RABGAP1L: variants seen among roughly 807,000 people sequenced by gnomAD.
The protein encoded by RABGAP1L is rab GTPase-activating protein 1-like.
A neutral mutation model predicts 137.7 loss-of-function variants in RABGAP1L; 63 were observed. That is an observed-to-expected ratio of 0.46 (90% confidence interval 0.37 to 0.56). The LOEUF (loss-of-function observed/expected upper bound fraction) is 0.56, where lower values mean the gene tolerates loss of function less well. RABGAP1L is among the 20% of genes least tolerant of loss of function. RABGAP1L has a pLI of 0.00. For synonymous variants in RABGAP1L, 431 were observed against 433.7 expected, an observed-to-expected ratio of 0.99 and a Z score of 0.08; for missense variants, 1,095 against 1,244.0, an observed-to-expected ratio of 0.88 and a Z score of 1.80.
At chr1:174,859,482 C>CAAAAAAAA (rs35464065) in intron 19 of RABGAP1L, among the ~76,000 whole-genome samples, 5 of 133,730 alleles carry the variant, frequency 3.7e-5, no homozygotes, top group South Asian at 2.6e-4. Flanking sequence ...GACTCCATCT[C>CAAAAAAAA]AAAAAAAAAG....
In RABGAP1L at chr1:174,406,757, A is replaced by G. The variant is rs146772010; in HGVS notation, c.1710+12612A>G. ...AGACGCTGTCTCTACAAAAAATACA[A>G]AAATTAGCTGGGTGTGGTGCCACAT... is the stretch of plus-strand genomic sequence containing the variant. On this transcript the variant is annotated intron_variant, in intron 13 of 25. Transcript: ENST00000681986. Among the ~76,000 whole-genome samples the G allele has an allele frequency of 3.8e-3, 581 of 152,300 alleles. 4 individuals are homozygous for G. Among genetic ancestry groups the G allele is most frequent in the African/African-American group, 0.012 (501 of 41,564 alleles).
intron 17 of RABGAP1L, among the ~76,000 whole-genome samples, chr1:174,744,985 GA>G (rs1354625912): frequency 8.5e-5 from 13 of 152,126 alleles, no homozygotes; most frequent in Admixed American, 3.3e-4. Context: ...ATTTCCAAGT[GA>G]AAAAAAGTAA....
chr1:174,783,907 A>G (rs1287858688), intron 18 of RABGAP1L, among the ~76,000 whole-genome samples: 1 of 145,494 alleles, frequency 6.9e-6, no homozygotes, highest in Non-Finnish European at 1.5e-5. Flanking sequence ...AAGGGGTTTC[A>G]CCATATTGGC....
intron 19 of RABGAP1L, among the ~76,000 whole-genome samples, chr1:174,842,494 T>G (rs191093872): frequency 6.6e-6 from 1 of 152,326 alleles, no homozygotes; most frequent in Non-Finnish European, 1.5e-5. Context: ...TAATTCATAT[T>G]TGCTTGGCCC....
chr1:174,327,777 T>C (rs1680565176), intron 11 of RABGAP1L, among the ~76,000 whole-genome samples: 1 of 151,310 alleles, frequency 6.6e-6, no homozygotes, highest in Non-Finnish European at 1.5e-5. Flanking sequence ...AGAACATGTG[T>C]AGACTGAAAA....
At chr1:174,383,932 G>T (rs56148594) in intron 12 of RABGAP1L, among the ~76,000 whole-genome samples, 2 of 151,930 alleles carry the variant, frequency 1.3e-5, no homozygotes. Context: ...AGCAATTCCA[G>T]TCCCACTGCT....
At chr1:174,962,209 AC>A (rs1669213793) in intron 20 of RABGAP1L, among the ~76,000 whole-genome samples, 3 of 67,664 alleles carry the variant, frequency 4.4e-5, no homozygotes, top group African/African-American at 2.6e-4. Flanking sequence ...CCCCCCCCAC[AC>A]ACACACACAG....
intron 21 of RABGAP1L, among the ~76,000 whole-genome samples, chr1:174,975,155 G>A (rs1424044014): frequency 6.6e-6 from 1 of 152,226 alleles, no homozygotes; most frequent in East Asian, 1.9e-4. Context: ...ATTGGGCTTG[G>A]TGCTTGGGAT....
chr1:174,583,185 T>C (rs1441502143), intron 13 of RABGAP1L, among the ~76,000 whole-genome samples: 1 of 152,160 alleles, frequency 6.6e-6, no homozygotes, highest in Non-Finnish European at 1.5e-5. Context: ...CTTAGAGTCA[T>C]TTGAAGGTAG....
chr1:174,750,740 A>T (rs1213096818), intron 17 of RABGAP1L, among the ~76,000 whole-genome samples: 2 of 152,334 alleles, frequency 1.3e-5, no homozygotes, highest in East Asian at 1.9e-4. Context: ...TTGAGCAGTG[A>T]CTGGAAAAAC....
At chr1:174,822,783 G>A (rs1470391341) in intron 19 of RABGAP1L, among the ~76,000 whole-genome samples, 1 of 152,180 alleles carries the variant, frequency 6.6e-6, no homozygotes, top group Non-Finnish European at 1.5e-5. Flanking sequence ...CCTAATGACC[G>A]GTACTGGTCC....
intron 13 of RABGAP1L, among the ~76,000 whole-genome samples, chr1:174,479,958 T>C (rs1658918023): frequency 6.6e-6 from 1 of 152,194 alleles, no homozygotes; most frequent in Non-Finnish European, 1.5e-5. Flanking sequence ...GTCACAAGAA[T>C]AGCCTGTTCC....
At chr1:174,453,070 G>C (rs1164687746) in intron 13 of RABGAP1L, among the ~76,000 whole-genome samples, 1 of 152,178 alleles carries the variant, frequency 6.6e-6, no homozygotes, top group African/African-American at 2.4e-5. Flanking sequence ...CCCAGGAATA[G>C]TTATTCATGA....
intron 11 of RABGAP1L, among the ~76,000 whole-genome samples, chr1:174,347,767 T>TCC (rs1682584613): frequency 6.6e-6 from 1 of 152,234 alleles, no homozygotes; most frequent in Non-Finnish European, 1.5e-5. Context: ...GTGCTAGGAT[T>TCC]ACAGGCGTGA....
At chr1:174,191,077 C>T (rs949020942) in intron 1 of RABGAP1L, among the ~76,000 whole-genome samples, 3 of 152,046 alleles carry the variant, frequency 2.0e-5, no homozygotes, top group African/African-American at 7.3e-5. Context: ...TACCAAAGAT[C>T]GCTGATCACA....
chr1:174,248,025 T>C (rs1199372596), intron 5 of RABGAP1L, among the ~76,000 whole-genome samples: 4 of 152,216 alleles, frequency 2.6e-5, no homozygotes, highest in Non-Finnish European at 5.9e-5. Flanking sequence ...AAGTGGAGAA[T>C]ACCCAGAGAA....
At chr1:174,365,931 C>T (rs1167594296) in intron 11 of RABGAP1L, among the ~76,000 whole-genome samples, 1 of 152,036 alleles carries the variant, frequency 6.6e-6, no homozygotes, top group African/African-American at 2.4e-5. Flanking sequence ...CTTACTCTGC[C>T]CTCTGAACTT....
At chr1:174,633,733 A>G (rs1246714094) in intron 13 of RABGAP1L, among the ~76,000 whole-genome samples, 1 of 140,038 alleles carries the variant, frequency 7.1e-6, no homozygotes, top group Admixed American at 7.1e-5. Flanking sequence ...AACGCTGCAT[A>G]CCTACAACTA....
At chr1:174,537,486 G>C (rs1313200710) in intron 13 of RABGAP1L, among the ~76,000 whole-genome samples, 1 of 152,158 alleles carries the variant, frequency 6.6e-6, no homozygotes, top group East Asian at 1.9e-4. Flanking sequence ...ATTGGTAAAA[G>C]GTCTTGGGAA....
Sources: allele counts gnomAD v4.1 joint callset (sites outside exome capture counted in the v4.1 genomes callset), GRCh38; gene constraint gnomAD v4.1.1; transcripts MANE v1.5; gene names NCBI Gene and HGNC (gene_info 2026-07-23, HGNC 2026-07-21).